The following SGCG variants were observed in gnomAD, a reference collection of about 807,000 sequenced individuals.
The protein encoded by SGCG is gamma-sarcoglycan.
Under a neutral mutation model 29.3 loss-of-function variants are expected in SGCG, and 26 were observed. The observed-to-expected ratio is 0.89, with a 90% CI of 0.65 to 1.23. SGCG has a LOEUF of 1.23. SGCG is among the 50% of genes most tolerant of loss of function. SGCG has a pLI of 0.00. For missense variants in SGCG, 353 were observed against 356.0 expected (o/e 0.99, Z 0.07); for synonymous variants, 145 against 129.7 (o/e 1.12, Z -0.80).
chr13:23,178,684 C>T (rs1434470158), upstream of SGCG, among the ~76,000 whole-genome samples: 1 of 152,158 alleles, frequency 6.6e-6, no homozygotes, highest in Admixed American at 6.5e-5. Context: ...CTTTCTCATT[C>T]CCCTATTTCC....
chr13:23,169,462 C>T, the SGCG span, among the ~76,000 whole-genome samples: 1 of 151,708 alleles, frequency 6.6e-6, no homozygotes, highest in African/African-American at 2.4e-5. Context: ...GGGTGGATCA[C>T]GAGGTCAAGA....
chr13:23,276,431 C>CTTTTTTTTTTTTTTTT (rs71100165), intron 4 of SGCG, among the ~76,000 whole-genome samples: 27 of 102,382 alleles, frequency 2.6e-4, no homozygotes, highest in South Asian at 3.9e-4. Context: ...TTTTAGTTTT[C>CTTTTTTTTTTTTTTTT]TTTTTTTTTT....
At chr13:23,197,296 G>T (rs3794363) in intron 1 of SGCG, among the ~76,000 whole-genome samples, 2 of 151,884 alleles carry the variant, frequency 1.3e-5, no homozygotes, top group Non-Finnish European at 2.9e-5. Context: ...GACTTCTCAC[G>T]TGGGTTACCT....
In SGCG at chr13:23,276,808, T is replaced by A. The variant is rs569516467; in HGVS notation, c.386-2551T>A. 2.0e-5 allele frequency among the ~76,000 whole-genome samples: 3 copies of A among 152,342 alleles called. No homozygotes were observed. In the East Asian group the frequency reaches 5.8e-4, roughly 29 times the overall value. ...GGACGCTGCTCTTAGCCTCGATGGA[T>A]GGACCATGGATTCCTAGTCAAGACT... On this transcript the variant is annotated intron_variant, in intron 4 of 7. Transcript: ENST00000218867.
At position 23,262,032 on chromosome 13, in the gene SGCG, A is replaced by G. The variant is rs565224187; in HGVS notation, c.385+11315A>G. Among the ~76,000 whole-genome samples, 5 of 152,114 alleles carry G rather than the reference A, an allele frequency of 3.3e-5. No homozygotes were observed. In the South Asian group the frequency reaches 1.0e-3, roughly 32 times the overall value. ...AATTCTAAATGTTGAACAAAAGGTC[A>G]ATACACACCAGAATAGAAACTCCTG... On this transcript the variant is annotated intron_variant, in intron 4 of 7. Coordinates refer to ENST00000218867, the MANE Select transcript of SGCG (RefSeq NM_000231.3).
At chr13:23,161,081 G>C in the SGCG span, among the ~76,000 whole-genome samples, 1 of 152,256 alleles carries the variant, frequency 6.6e-6, no homozygotes, top group African/African-American at 2.4e-5. Context: ...AGTAAGCGGA[G>C]TGTCTGCACC....
intron 4 of SGCG, among the ~76,000 whole-genome samples, chr13:23,274,631 C>T (rs2137609274): frequency 6.6e-6 from 1 of 152,104 alleles, no homozygotes; most frequent in Admixed American, 6.5e-5. Context: ...ACCGTGTTAG[C>T]CAGGATGGTC....
intron 1 of SGCG, among the ~76,000 whole-genome samples, chr13:23,189,939 A>G (rs995829142): frequency 1.3e-5 from 2 of 152,218 alleles, no homozygotes; most frequent in Non-Finnish European, 2.9e-5. Flanking sequence ...TTATGCTCAA[A>G]GGGTTGTGTC....
At chr13:23,166,303 C>T in the SGCG span, among the ~76,000 whole-genome samples, 21 of 152,282 alleles carry the variant, frequency 1.4e-4, no homozygotes, top group African/African-American at 5.1e-4. Flanking sequence ...TCAAGTGGTT[C>T]TCCTGCCTCA....
At chr13:23,162,486 C>T in the SGCG span, among the ~76,000 whole-genome samples, 2 of 152,092 alleles carry the variant, frequency 1.3e-5, no homozygotes, top group South Asian at 2.1e-4. Flanking sequence ...ATTAGCCGGG[C>T]GTGGTGGCAG....
chr13:23,200,741 T>C (rs943165263), intron 1 of SGCG, among the ~76,000 whole-genome samples: 2 of 151,954 alleles, frequency 1.3e-5, no homozygotes, highest in East Asian at 3.9e-4. Flanking sequence ...ATAGGAATGA[T>C]CAGGAAGATC....
At chr13:23,216,629 T>A (rs912933428) in intron 2 of SGCG, among the ~76,000 whole-genome samples, 7 of 152,158 alleles carry the variant, frequency 4.6e-5, no homozygotes, top group African/African-American at 1.7e-4. Context: ...AACTGTTGTA[T>A]AAAATATGTA....
intron 4 of SGCG, among the ~76,000 whole-genome samples, chr13:23,269,387 T>C (rs1302003901): frequency 6.6e-6 from 1 of 152,208 alleles, no homozygotes; most frequent in Non-Finnish European, 1.5e-5. Context: ...ATCGTTACTA[T>C]TGGTTGCAGA....
chr13:23,219,817 A>C (rs1296014899), intron 2 of SGCG, among the ~76,000 whole-genome samples: 3 of 128,992 alleles, frequency 2.3e-5, no homozygotes, highest in Non-Finnish European at 5.0e-5. Flanking sequence ...CTAGGTTTAC[A>C]TTTCTTTTCC....
intron 7 of SGCG, among the ~76,000 whole-genome samples, chr13:23,322,035 A>C (rs143540993): frequency 6.6e-6 from 1 of 152,364 alleles, no homozygotes; most frequent in African/African-American, 2.4e-5. Context: ...ATGATGCCAT[A>C]TTTATAGATT....
upstream of SGCG, among the ~76,000 whole-genome samples, chr13:23,179,418 T>C (rs982512760): frequency 1.3e-5 from 2 of 152,190 alleles, no homozygotes; most frequent in African/African-American, 4.8e-5. Context: ...AAAAGTTCAT[T>C]GCAACAAAAC....
chr13:23,207,068 T>C (rs1878007359), intron 2 of SGCG, among the ~76,000 whole-genome samples: 1 of 152,214 alleles, frequency 6.6e-6, no homozygotes, highest in African/African-American at 2.4e-5. Context: ...TTTTGAAATA[T>C]ATTTCAAAGC....
At chr13:23,248,148 C>T (rs1240923833) in intron 3 of SGCG, among the ~76,000 whole-genome samples, 1 of 82,518 alleles carries the variant, frequency 1.2e-5, no homozygotes, top group Non-Finnish European at 2.5e-5. Context: ...AGTATACACT[C>T]AAAAAGATAA....
At chr13:23,249,766 T>A (rs532478213) in intron 3 of SGCG, among the ~76,000 whole-genome samples, 1 of 152,148 alleles carries the variant, frequency 6.6e-6, no homozygotes, top group African/African-American at 2.4e-5. Context: ...AGCATTCATA[T>A]AGACAAAAAT....
Sources: allele counts gnomAD v4.1 joint callset (sites outside exome capture counted in the v4.1 genomes callset), GRCh38; gene constraint gnomAD v4.1.1; transcripts MANE v1.5; gene names NCBI Gene and HGNC (gene_info 2026-07-23, HGNC 2026-07-21).